The following BRD7 variants were observed in gnomAD, a reference collection of about 807,000 sequenced individuals.
BRD7 encodes bromodomain containing 7.
BRD7 carries 15 observed loss-of-function variants against 82.1 expected under a neutral mutation model. The observed-to-expected ratio is 0.18, with a 90% CI of 0.12 to 0.28. The LOEUF (loss-of-function observed/expected upper bound fraction) is 0.28. Among genes scored for constraint, BRD7 ranks in the 10% least tolerant of loss-of-function variants. The pLI, the probability that BRD7 is intolerant of heterozygous loss-of-function variation, is 1.00. For missense variants in BRD7, 638 were observed against 779.9 expected, an observed-to-expected ratio of 0.82 and a Z score of 2.17; for synonymous variants, 232 against 266.9, an observed-to-expected ratio of 0.87 and a Z score of 1.27.
intron 13 of BRD7, 52 bp from the exon 14 acceptor site, chr16:50,320,826 G>A (rs1427507527): frequency 8.0e-7 from 1 of 1,243,312 alleles, no homozygotes; most frequent in African/African-American, 1.5e-5. Context: ...AGCCACAGCA[G>A]TGTTAACTAG....
intron 5 of BRD7, among the ~76,000 whole-genome samples, chr16:50,340,416 T>G (rs1567272372): frequency 6.6e-6 from 1 of 152,220 alleles, no homozygotes; most frequent in Non-Finnish European, 1.5e-5. Context: ...AGAAAATACT[T>G]CTATTTCATA....
chr16:50,356,205 A>G (rs890924707), intron 2 of BRD7, among the ~76,000 whole-genome samples: 1 of 152,228 alleles, frequency 6.6e-6, no homozygotes, highest in Non-Finnish European at 1.5e-5. Context: ...AATTGGGTGA[A>G]TAGGAACAAT....
Position 50,368,187 on chromosome 16 carries a change from T to C in BRD7, c.161A>G (p.Asp54Gly). ...CTTTCTGTCCTTGTGTTTGTCATGA[T>C]CGTTTTTGTCTTCGAAGAGGCTGGA... is the stretch of plus-strand genomic sequence containing the variant. ...HDSSLFEDKN[D>G]HDKHKDRKRK... The change falls in exon 2 of 17, where the codon GAT (aspartate) becomes GGT (glycine). Residue 54 changes from aspartate (D) to glycine (G), a missense_variant. Asp to Gly is a moderately conservative substitution (Grantham distance 94). Transcript: ENST00000394688. 1.2e-6 allele frequency: 2 copies of C among 1,614,224 alleles called. No homozygotes were observed. The highest frequency in any genetic ancestry group is 2.2e-5 in the South Asian group (2 of 91,084).
chr16:50,343,090 C>A (rs2038136851), intron 5 of BRD7, among the ~76,000 whole-genome samples: 1 of 152,170 alleles, frequency 6.6e-6, no homozygotes, highest in African/African-American at 2.4e-5. Flanking sequence ...TAACTTTCAT[C>A]AAATTAGAAA....
intron 13 of BRD7, 47 bp from the exon 14 acceptor site, chr16:50,320,821 C>G (rs929282894): frequency 7.6e-7 from 1 of 1,323,312 alleles, no homozygotes; most frequent in African/African-American, 1.4e-5. Flanking sequence ...TGCTAAGCCA[C>G]AGCAGTGTTA....
At chr16:50,357,845 G>T (rs2038796110) in intron 2 of BRD7, among the ~76,000 whole-genome samples, 1 of 152,116 alleles carries the variant, frequency 6.6e-6, no homozygotes, top group African/African-American at 2.4e-5. Context: ...GCTGCGGGTG[G>T]TGGTGCACGC....
chr16:50,357,130 T>C (rs1450774890), intron 2 of BRD7, among the ~76,000 whole-genome samples: 1 of 152,194 alleles, frequency 6.6e-6, no homozygotes, highest in African/African-American at 2.4e-5. Context: ...GAAGGTCTCA[T>C]TAAAAACACA....
chr16:50,327,699 GT>G (rs1409956276), intron 9 of BRD7, among the ~76,000 whole-genome samples: 2 of 152,048 alleles, frequency 1.3e-5, no homozygotes, highest in African/African-American at 4.8e-5. Context: ...CAAACACTAG[GT>G]TGGTATCTTC....
chr16:50,346,513 T>TA (rs2038290019), intron 5 of BRD7, among the ~76,000 whole-genome samples: 1 of 152,170 alleles, frequency 6.6e-6, no homozygotes, highest in Non-Finnish European at 1.5e-5. Flanking sequence ...ACAAAATTGA[T>TA]AGACCACTAG....
intron 12 of BRD7, 86 bp from the exon 13 acceptor site, chr16:50,322,124 G>T: frequency 2.7e-6 from 3 of 1,121,746 alleles, no homozygotes; most frequent in Non-Finnish European, 3.9e-6. Context: ...GAGTTTCTTG[G>T]CAAGAGAAAA....
chr16:50,326,082 A>G (rs2037326062), intron 10 of BRD7, among the ~76,000 whole-genome samples, 199 bp from the exon 11 acceptor site: 1 of 152,222 alleles, frequency 6.6e-6, no homozygotes, highest in African/African-American at 2.4e-5. Flanking sequence ...GAGGGAGAGG[A>G]ACAAGAAAGA....
chr16:50,321,553 C>A (rs545876052), intron 13 of BRD7, among the ~76,000 whole-genome samples: 40 of 105,516 alleles, frequency 3.8e-4, no homozygotes, highest in Non-Finnish European at 5.5e-4. Flanking sequence ...GGCAACAGAG[C>A]GGGACTCCAT....
At chr16:50,352,381 C>A (rs1235211514) in intron 4 of BRD7, among the ~76,000 whole-genome samples, 1 of 152,164 alleles carries the variant, frequency 6.6e-6, no homozygotes, top group Non-Finnish European at 1.5e-5. Flanking sequence ...GTATTTCATT[C>A]TTTTTAATGG....
Position 50,368,169 on chromosome 16 carries a change from T to C in BRD7, c.179A>G (p.Asp60Gly). The C allele has an allele frequency of 1.9e-6, 3 of 1,614,162 alleles. No individual in the cohort carries two copies. Among genetic ancestry groups the C allele is most frequent in the Non-Finnish European group, 2.5e-6 (3 of 1,180,002 alleles). Reference protein sequence around the residue: ...EDKNDHDKHKDRKRKKRKKGE... With the variant: ...EDKNDHDKHKGRKRKKRKKGE... Reference sequence around the variant, plus strand: ...TTTCTTTCTCTTTTTCCGCTTTCTGTCCTTGTGTTTGTCATGATCGTTTTT... The same window carrying C: ...TTTCTTTCTCTTTTTCCGCTTTCTGCCCTTGTGTTTGTCATGATCGTTTTT... Residue 60 changes from aspartate to glycine, a missense_variant, in exon 2 of 17, where the codon GAC (aspartate) becomes GGC (glycine). Around this residue, in one of 3 missense-constraint regions of BRD7, gnomAD observed 172 missense variants for 155.3 expected, o/e 1.11. Transcript: ENST00000394688.
intron 5 of BRD7, among the ~76,000 whole-genome samples, chr16:50,346,869 C>T (rs903793959): frequency 6.6e-6 from 1 of 152,190 alleles, no homozygotes; most frequent in African/African-American, 2.4e-5. Flanking sequence ...GAAACTATTC[C>T]AATCAATAGA....
intron 5 of BRD7, among the ~76,000 whole-genome samples, chr16:50,347,194 T>G (rs1449842147): frequency 1.3e-5 from 2 of 152,300 alleles, no homozygotes; most frequent in East Asian, 3.9e-4. Context: ...GAAAAGGCCT[T>G]TGACAAAATT....
intron 16 of BRD7, among the ~76,000 whole-genome samples, 178 bp downstream of exon 16, chr16:50,319,709 T>C (rs901301681): frequency 2.6e-5 from 4 of 152,024 alleles, no homozygotes; most frequent in African/African-American, 9.7e-5. Flanking sequence ...ATACTGGAGG[T>C]TGTGTGTAGG....
chr16:50,322,142 A>G, intron 12 of BRD7, 104 bp from the exon 13 acceptor site: 1 of 835,118 alleles, frequency 1.2e-6, no homozygotes, highest in Non-Finnish European at 1.9e-6. Context: ...AAATGAATAC[A>G]AATATGGACT....
intron 10 of BRD7, 107 bp downstream of exon 10, chr16:50,326,177 C>T: frequency 3.4e-6 from 3 of 880,410 alleles, no homozygotes; most frequent in South Asian, 1.6e-5. Context: ...GCAAAAATAC[C>T]ACCAAGATAC....
Sources: allele counts gnomAD v4.1 joint callset (sites outside exome capture counted in the v4.1 genomes callset), GRCh38; gene constraint gnomAD v4.1.1; regional missense constraint gnomAD v4.1.1; transcripts MANE v1.5; gene names NCBI Gene and HGNC (gene_info 2026-07-23, HGNC 2026-07-21).